Variants in DCT observed in about 807,000 individuals in gnomAD.
DCT encodes the protein L-dopachrome tautomerase.
Under a neutral mutation model 53.0 loss-of-function variants are expected in DCT, and 47 were observed. That is an observed-to-expected ratio of 0.89 (90% CI 0.70 to 1.13). DCT has a LOEUF of 1.13. DCT is among the 50% of genes most tolerant of loss of function. The pLI, the probability that DCT is intolerant of heterozygous loss-of-function variation, is 0.00. For synonymous variants in DCT, 244 were observed against 237.0 expected (o/e 1.03, Z -0.27); for missense variants, 669 against 637.4 (o/e 1.05, Z -0.53).
chr13:94,512,432 T>C, the DCT span, among the ~76,000 whole-genome samples: 1 of 152,042 alleles, frequency 6.6e-6, no homozygotes, highest in Non-Finnish European at 1.5e-5. Flanking sequence ...AAGAAAGACA[T>C]TCAAATAACT....
upstream of DCT, among the ~76,000 whole-genome samples, chr13:94,480,593 C>G (rs1001662881): frequency 6.6e-6 from 1 of 152,198 alleles, no homozygotes; most frequent in African/African-American, 2.4e-5. Context: ...GGTATTCCCA[C>G]CCCCTGTACC....
intron 1 of DCT, among the ~76,000 whole-genome samples, chr13:94,472,750 T>G (rs112610829): frequency 0.13 from 19,473 of 150,192 alleles, 1,347 homozygotes; most frequent in South Asian, 0.2. Flanking sequence ...CCTGGCCAAT[T>G]TTTGTATTTT....
intron 6 of DCT, chr13:94,445,749 C>T (rs538783071): frequency 2.5e-5 from 39 of 1,584,842 alleles, no homozygotes; most frequent in Admixed American, 1.9e-4. Context: ...GTTCCTTGGT[C>T]GCTTTCTCTT....
chr13:94,510,432 G>T, the DCT span, among the ~76,000 whole-genome samples: 4 of 152,178 alleles, frequency 2.6e-5, 1 homozygote, highest in South Asian at 8.3e-4. Flanking sequence ...CCAAACTGAG[G>T]TGTGCTGTCA....
At chr13:94,502,784 T>C in the DCT span, among the ~76,000 whole-genome samples, 2 of 152,048 alleles carry the variant, frequency 1.3e-5, no homozygotes, top group African/African-American at 4.8e-5. Flanking sequence ...TCCTTTCCTC[T>C]CCTCGCTGCA....
chr13:94,501,735 A>C, the DCT span, among the ~76,000 whole-genome samples: 1 of 151,924 alleles, frequency 6.6e-6, no homozygotes, highest in African/African-American at 2.4e-5. Context: ...AGAGTGAGGG[A>C]GGGTGTCCCA....
At chr13:94,534,161 A>G in the DCT span, among the ~76,000 whole-genome samples, 1 of 151,212 alleles carries the variant, frequency 6.6e-6, no homozygotes, top group Non-Finnish European at 1.5e-5. Flanking sequence ...TTAAATAAAA[A>G]TGTATATAAT....
the DCT span, among the ~76,000 whole-genome samples, chr13:94,547,982 A>ATAG: frequency 1.2e-5 from 1 of 84,862 alleles, no homozygotes; most frequent in Non-Finnish European, 1.9e-5. Flanking sequence ...AAAAAAAAAA[A>ATAG]AAATATATAT....
intron 7 of DCT, among the ~76,000 whole-genome samples, 199 bp from the exon 8 acceptor site, chr13:94,440,275 G>T (rs1259105531): frequency 6.6e-6 from 1 of 152,052 alleles, no homozygotes; most frequent in East Asian, 1.9e-4. Context: ...GTCAGAACTG[G>T]CATCCCATTA....
chr13:94,499,404 TAA>T, the DCT span, among the ~76,000 whole-genome samples: 1 of 152,116 alleles, frequency 6.6e-6, no homozygotes, highest in African/African-American at 2.4e-5. Flanking sequence ...ACTAAAAGCA[TAA>T]AGATATATGC....
At chr13:94,488,873 TACACACA>T in the DCT span, among the ~76,000 whole-genome samples, 4 of 118,278 alleles carry the variant, frequency 3.4e-5, no homozygotes, top group South Asian at 1.0e-3. Context: ...TACACACACA[TACACACA>T]CAAACACACA....
chr13:94,529,686 C>A, the DCT span, among the ~76,000 whole-genome samples: 1 of 152,108 alleles, frequency 6.6e-6, no homozygotes, highest in Non-Finnish European at 1.5e-5. Context: ...CAAGAGAAAG[C>A]AGGAAATATC....
chr13:94,445,919 T>G (rs1055682611), intron 6 of DCT, among the ~76,000 whole-genome samples: 1 of 152,198 alleles, frequency 6.6e-6, no homozygotes, highest in Non-Finnish European at 1.5e-5. Context: ...AGCCCCATTC[T>G]TCCTCAGTGT....
At chr13:94,481,291 C>G (rs1014490858), upstream of DCT, among the ~76,000 whole-genome samples, 4 of 152,228 alleles carry the variant, frequency 2.6e-5, no homozygotes, top group African/African-American at 9.6e-5. Flanking sequence ...GGTTCTGAGA[C>G]ATGGACATAT....
the DCT span, among the ~76,000 whole-genome samples, chr13:94,506,135 T>G: frequency 6.6e-6 from 1 of 152,186 alleles, no homozygotes; most frequent in Admixed American, 6.5e-5. Context: ...AGAAATCACG[T>G]ATAGTTTGTT....
At chr13:94,470,370 C>G (rs1354494829) in intron 1 of DCT, among the ~76,000 whole-genome samples, 2 of 152,214 alleles carry the variant, frequency 1.3e-5, no homozygotes, top group African/African-American at 4.8e-5. Flanking sequence ...CTAATAAGAT[C>G]AAGCTCTGGG....
intron 6 of DCT, among the ~76,000 whole-genome samples, chr13:94,447,013 G>C (rs929202893): frequency 6.6e-6 from 1 of 152,142 alleles, no homozygotes; most frequent in African/African-American, 2.4e-5. Context: ...TATGAATTTT[G>C]TGGGGGACAA....
the DCT span, among the ~76,000 whole-genome samples, chr13:94,513,687 T>G: frequency 6.6e-6 from 1 of 151,802 alleles, no homozygotes; most frequent in Admixed American, 6.6e-5. Context: ...GAGATGGCCT[T>G]TAGATAAAGA....
At chr13:94,538,872 T>C in the DCT span, among the ~76,000 whole-genome samples, 5 of 152,182 alleles carry the variant, frequency 3.3e-5, no homozygotes, top group African/African-American at 9.7e-5. Context: ...GATTTGTCTG[T>C]TTCTATCTGT....
Sources: allele counts gnomAD v4.1 joint callset (sites outside exome capture counted in the v4.1 genomes callset), GRCh38; gene constraint gnomAD v4.1.1; transcripts MANE v1.5; gene names NCBI Gene and HGNC (gene_info 2026-07-23, HGNC 2026-07-21).